Variants in MAGI2 observed in about 807,000 individuals in gnomAD.
MAGI2 encodes the protein membrane-associated guanylate kinase, WW and PDZ domain-containing protein 2.
MAGI2 carries 35 observed loss-of-function variants against 133.3 expected under a neutral mutation model. That is an observed-to-expected ratio of 0.26 (90% CI 0.20 to 0.35). The LOEUF is 0.35. Ranked by LOEUF, MAGI2 falls within the 10% of genes least tolerant of loss-of-function variation. The pLI is 1.00. For synonymous variants in MAGI2, 729 were observed against 710.6 expected (o/e 1.03, Z -0.41); for missense variants, 1,636 against 1,863.4 (o/e 0.88, Z 2.25).
intron 3 of MAGI2, among the ~76,000 whole-genome samples, chr7:78,531,569 G>A (rs910444286): frequency 2.0e-5 from 3 of 152,064 alleles, no homozygotes; most frequent in Admixed American, 2.0e-4. Context: ...ATCCCGTCAT[G>A]GCTCAGTACG....
intron 2 of MAGI2, among the ~76,000 whole-genome samples, chr7:78,822,232 T>C (rs1470256662): frequency 2.0e-5 from 3 of 152,036 alleles, no homozygotes; most frequent in Non-Finnish European, 4.4e-5. Flanking sequence ...CTCAGTGAAA[T>C]GAAGATTCAG....
chr7:79,440,035 C>T (rs1848395337), intron 1 of MAGI2, among the ~76,000 whole-genome samples: 1 of 152,122 alleles, frequency 6.6e-6, no homozygotes, highest in Non-Finnish European at 1.5e-5. Context: ...CAAAGCTCAT[C>T]TTTCTAACCA....
chr7:78,855,094 T>C (rs1241451095), intron 2 of MAGI2, among the ~76,000 whole-genome samples: 1 of 152,080 alleles, frequency 6.6e-6, no homozygotes, highest in African/African-American at 2.4e-5. Context: ...AAAATAACTT[T>C]TACTTAAAAA....
At chr7:78,932,970 C>T (rs940377305) in intron 2 of MAGI2, among the ~76,000 whole-genome samples, 1 of 152,050 alleles carries the variant, frequency 6.6e-6, no homozygotes, top group African/African-American at 2.4e-5. Context: ...GCGGCAGCCA[C>T]GCTAAGTGTA....
At chr7:79,058,673 G>T (rs987106903) in intron 1 of MAGI2, among the ~76,000 whole-genome samples, 1 of 152,108 alleles carries the variant, frequency 6.6e-6, no homozygotes, top group African/African-American at 2.4e-5. Context: ...GAGAGTAAAT[G>T]CATAGGAGGT....
intron 10 of MAGI2, among the ~76,000 whole-genome samples, chr7:78,220,937 T>C (rs967501543): frequency 1.3e-5 from 2 of 152,208 alleles, no homozygotes; most frequent in Non-Finnish European, 2.9e-5. Flanking sequence ...TCTCAGCAGA[T>C]AGGTGCAGCT....
intron 3 of MAGI2, among the ~76,000 whole-genome samples, chr7:78,582,555 T>C (rs530380036): frequency 6.6e-6 from 1 of 152,290 alleles, no homozygotes; most frequent in South Asian, 2.1e-4. Flanking sequence ...AGGGAGACAA[T>C]TCCAGTTAGG....
chr7:78,665,790 T>G (rs1338368456), intron 2 of MAGI2, among the ~76,000 whole-genome samples: 2 of 152,208 alleles, frequency 1.3e-5, no homozygotes, highest in Non-Finnish European at 2.9e-5. Context: ...CATGTCTTCA[T>G]GTATTCATTC....
At chr7:78,588,462 G>A (rs1286601579) in intron 3 of MAGI2, among the ~76,000 whole-genome samples, 1 of 152,124 alleles carries the variant, frequency 6.6e-6, no homozygotes, top group Non-Finnish European at 1.5e-5. Context: ...AGGAGGCAGA[G>A]GCAGATAACA....
chr7:78,821,593 C>T (rs1297421440), intron 2 of MAGI2, among the ~76,000 whole-genome samples: 1 of 151,854 alleles, frequency 6.6e-6, no homozygotes. Flanking sequence ...ATTTTTAAAA[C>T]AAATATTTAA....
rs10525463 is a variant in MAGI2 at position 78,328,530 on chromosome 7, C to CACACACACACACACACACACACACACA, written c.1408+15247_1408+15248insTGTGTGTGTGTGTGTGTGTGTGTGTGT. ...ACACACACACACACACACACACACA[C>CACACACACACACACACACACACACACA]CCCTCTCTCTCTCTCTCTTACTTTA... On this transcript the variant is annotated intron_variant, in intron 9 of 21. Coordinates refer to ENST00000354212, the MANE Select transcript of MAGI2 (RefSeq NM_012301.4). 3.5e-3 allele frequency among the ~76,000 whole-genome samples: 434 copies of CACACACACACACACACACACACACACA among 124,682 alleles called. 6 individuals are homozygous for CACACACACACACACACACACACACACA. Among genetic ancestry groups the CACACACACACACACACACACACACACA allele is most frequent in the Middle Eastern group, 0.013 (3 of 236 alleles). 81.8% of individuals were successfully genotyped at this position (124,682 alleles called of 152,430 possible).
chr7:78,210,292 T>C (rs1787644115), intron 10 of MAGI2, among the ~76,000 whole-genome samples: 1 of 152,058 alleles, frequency 6.6e-6, no homozygotes. Context: ...GGCTCAGTAA[T>C]GGTAGTGAAG....
chr7:78,295,000 C>T (rs992100359), intron 9 of MAGI2, among the ~76,000 whole-genome samples: 1 of 152,056 alleles, frequency 6.6e-6, no homozygotes, highest in African/African-American at 2.4e-5. Flanking sequence ...AAAGATAAGG[C>T]GTCATTATTT....
chr7:79,232,403 G>A (rs1831451669), intron 1 of MAGI2, among the ~76,000 whole-genome samples: 1 of 142,450 alleles, frequency 7.0e-6, no homozygotes, highest in African/African-American at 2.7e-5. Context: ...GTAGAATTCG[G>A]CTGTGAATCC....
intron 1 of MAGI2, 53 bp downstream of exon 1, chr7:79,452,967 G>GC: frequency 3.3e-6 from 5 of 1,494,604 alleles, no homozygotes; most frequent in Non-Finnish European, 4.4e-6. Flanking sequence ...ATTGCCCTGC[G>GC]CCCCGAGCGG....
At chr7:79,415,919 T>C (rs1846474362) in intron 1 of MAGI2, among the ~76,000 whole-genome samples, 1 of 152,118 alleles carries the variant, frequency 6.6e-6, no homozygotes, top group South Asian at 2.1e-4. Flanking sequence ...CAGGAGGTAC[T>C]GGAAGGGTAA....
At chr7:78,845,150 C>T (rs1792481176) in intron 2 of MAGI2, among the ~76,000 whole-genome samples, 1 of 151,918 alleles carries the variant, frequency 6.6e-6, no homozygotes, top group Non-Finnish European at 1.5e-5. Flanking sequence ...ATATCAGGAG[C>T]ATCACCTTCC....
intron 2 of MAGI2, among the ~76,000 whole-genome samples, chr7:78,678,148 T>C (rs1440695430): frequency 6.6e-6 from 1 of 152,128 alleles, no homozygotes; most frequent in East Asian, 1.9e-4. Context: ...GAAAACTAAC[T>C]AGTGGAAAAC....
chr7:78,254,524 G>T (rs149697033), intron 10 of MAGI2: 2 of 152,286 alleles, frequency 1.3e-5, no homozygotes, highest in East Asian at 1.9e-4. Flanking sequence ...GCCTTGAGAA[G>T]GTCAAATTTA....
Sources: allele counts gnomAD v4.1 joint callset (sites outside exome capture counted in the v4.1 genomes callset), GRCh38; gene constraint gnomAD v4.1.1; transcripts MANE v1.5; gene names NCBI Gene and HGNC (gene_info 2026-07-23, HGNC 2026-07-21).